Variants in ATG4B observed in about 807,000 individuals in gnomAD.
The protein encoded by ATG4B is cysteine protease ATG4B.
ATG4B carries 29 observed loss-of-function variants against 56.6 expected under a neutral mutation model. The observed-to-expected ratio is 0.51, with a 90% CI of 0.38 to 0.70. The LOEUF (loss-of-function observed/expected upper bound fraction) is 0.70. Ranked by LOEUF, ATG4B falls within the 30% of genes least tolerant of loss-of-function variation. The pLI is 0.00. For missense variants in ATG4B, 461 were observed against 515.5 expected, an observed-to-expected ratio of 0.89 and a Z score of 1.02; for synonymous variants, 224 against 206.1, an observed-to-expected ratio of 1.09 and a Z score of -0.74.
chr2:241,672,283 T>C lies in ATG4B; in HGVS notation c.*19T>C, dbSNP rs2069003508. 6.4e-7 allele frequency: 1 copy of C among 1,554,714 alleles called. No homozygotes were observed. The highest frequency in any genetic ancestry group is 1.2e-5 in the South Asian group (1 of 84,696). On this transcript the variant is annotated 3_prime_UTR_variant, in exon 13 of 13. Transcript: ENST00000404914. ...CCTTTGAAAATCCTGGGGTCGGGGG[T>C]GGCACCTGTGAGAGCCTGGGGCTCC...
chr2:241,660,197 C>CA (rs1316067820), intron 7 of ATG4B, among the ~76,000 whole-genome samples: 2 of 151,652 alleles, frequency 1.3e-5, no homozygotes, highest in Admixed American at 1.3e-4. Flanking sequence ...CCCCGCCCCC[C>CA]AAAAAAAAGA....
intron 12 of ATG4B, chr2:241,671,874 A>G (rs1559276772): frequency 7.7e-7 from 1 of 1,296,084 alleles, no homozygotes; most frequent in East Asian, 3.4e-5. Flanking sequence ...CCCTGTGGGA[A>G]ACTCTACAAA....
At chr2:241,654,318 G>T (rs1269585583) in intron 4 of ATG4B, among the ~76,000 whole-genome samples, 1 of 151,602 alleles carries the variant, frequency 6.6e-6, no homozygotes, top group Non-Finnish European at 1.5e-5. Context: ...CTACTCGGGA[G>T]GCTGAAGCAG....
intron 1 of ATG4B, among the ~76,000 whole-genome samples, chr2:241,638,872 T>G (rs1466086119): frequency 6.6e-6 from 1 of 152,254 alleles, no homozygotes; most frequent in Non-Finnish European, 1.5e-5. Flanking sequence ...GTGTACTATT[T>G]GTTGTTTACT....
intron 1 of ATG4B, among the ~76,000 whole-genome samples, chr2:241,647,982 C>T (rs1049812800): frequency 7.2e-5 from 11 of 152,156 alleles, no homozygotes; most frequent in Admixed American, 5.2e-4. Flanking sequence ...GGCATGGTGG[C>T]AGATGTCTGT....
intron 11 of ATG4B, 62 bp downstream of exon 11, chr2:241,670,844 G>A (rs913050959): frequency 9.9e-6 from 15 of 1,519,914 alleles, no homozygotes; most frequent in East Asian, 2.4e-5. Flanking sequence ...GCAGTGGGGC[G>A]TGCAGGGGTC....
chr2:241,668,522 C>T lies in ATG4B; in HGVS notation c.812-18C>T, dbSNP rs750084028. ...GCCGGCTCGGCCACCCACCTGCCCA[C>T]CTGCCTCATCCTCCCAGGTGAGGAG... is the stretch of plus-strand genomic sequence containing the variant. On this transcript the variant is annotated intron_variant, in intron 9 of 12. Coordinates refer to ENST00000404914, the MANE Select transcript of ATG4B (RefSeq NM_013325.5). This position sits in a 1 kb window ranked among gnomAD's most constrained non-coding sequence, Gnocchi z 4.2. 13 of 1,604,828 alleles carry T rather than the reference C, an allele frequency of 8.1e-6. No individual in the cohort carries two copies. The Admixed American group carries it at 2.2e-4, about 27-fold the overall frequency.
In ATG4B at chr2:241,673,826, A is replaced by T. The variant is rs978973934; in HGVS notation, c.*1562A>T. ...TTAGTAGTATAGTTTGCAATTCTTA[A>T]TGGCAAATAATAAGTTTCAGTAGAA... On this transcript the variant is annotated 3_prime_UTR_variant, in exon 13 of 13. Coordinates refer to ENST00000404914, the MANE Select transcript of ATG4B (RefSeq NM_013325.5). 2 of 428,120 alleles carry T rather than the reference A, an allele frequency of 4.7e-6. 1 individual carries two copies. Among genetic ancestry groups the T allele is most frequent in the South Asian group, 3.2e-5 (2 of 63,352 alleles). 26.5% of individuals were successfully genotyped at this position (428,120 alleles called of 1,614,324 possible).
chr2:241,645,204 A>T (rs2068027799), intron 1 of ATG4B, among the ~76,000 whole-genome samples: 3 of 152,130 alleles, frequency 2.0e-5, no homozygotes, highest in Non-Finnish European at 4.4e-5. Flanking sequence ...CCTAGAGTAC[A>T]GGGAAGACCT....
At chr2:241,664,029 A>C (rs1009163807) in intron 7 of ATG4B, among the ~76,000 whole-genome samples, 3 of 152,156 alleles carry the variant, frequency 2.0e-5, no homozygotes. Context: ...CATGTTGGCC[A>C]GGATGGTCTT....
intron 1 of ATG4B, among the ~76,000 whole-genome samples, chr2:241,647,989 C>T (rs1402803696): frequency 6.6e-6 from 1 of 152,090 alleles, no homozygotes; most frequent in Non-Finnish European, 1.5e-5. Flanking sequence ...TGGCAGATGT[C>T]TGTAATCCCA....
At chr2:241,659,052 G>T in intron 6 of ATG4B, 56 bp from the exon 7 acceptor site, 2 of 1,404,570 alleles carry the variant, frequency 1.4e-6, no homozygotes, top group South Asian at 2.7e-5. Context: ...TAGCTGCAAA[G>T]ATGAACCGTC....
rs1575089861 is a variant in ATG4B, at chr2:241,668,085, G to A, written c.733-58G>A. ...GCCCTTGGGCCCCCTATGGCAGTGG[G>A]TGGGGGGACCGTCTGCTCCCACCTG... On this transcript the variant is annotated intron_variant, in intron 8 of 12. Coordinates refer to ENST00000404914, the MANE Select transcript of ATG4B (RefSeq NM_013325.5). The surrounding 1 kb of genome is among the most constrained non-coding windows in gnomAD (Gnocchi z 4.2). 2.6e-6 allele frequency: 4 copies of A among 1,527,048 alleles called. No individual in the cohort carries two copies. Among genetic ancestry groups the A allele is most frequent in the Non-Finnish European group, 3.5e-6 (4 of 1,127,548 alleles). The allele number at this position is 1,527,048 out of a possible 1,614,324, so 94.6% of individuals were successfully genotyped here.
At chr2:241,652,722 A>G (rs866387658) in intron 3 of ATG4B, among the ~76,000 whole-genome samples, 14 of 152,238 alleles carry the variant, frequency 9.2e-5, no homozygotes, top group Middle Eastern at 3.4e-3. Context: ...GACCATGGGC[A>G]CTGCTGATTG....
At position 241,663,140 on chromosome 2, in the gene ATG4B, C is replaced by T. The variant is rs535483636; in HGVS notation, c.539-3505C>T. On this transcript the variant is annotated intron_variant, in intron 7 of 12. Transcript: ENST00000404914. The stretch of plus-strand genomic sequence containing the variant: ...CCCAGCTGCTCGGGAAGCTGAGGCA[C>T]GAGAATTGCTTGAACCTGGGAGGCA... Among the ~76,000 whole-genome samples the T allele has an allele frequency of 1.1e-4, 16 of 152,210 alleles. No individual in the cohort carries two copies. In the East Asian group the frequency reaches 1.2e-3, roughly 11 times the overall value.
In ATG4B at chr2:241,668,071, C is replaced by T; in HGVS notation, c.733-72C>T. 1 of 1,490,634 alleles carries T rather than the reference C, an allele frequency of 6.7e-7. No homozygotes were observed. Among genetic ancestry groups the T allele is most frequent in the South Asian group, 1.2e-5 (1 of 81,640 alleles). 92.3% of individuals were successfully genotyped at this position (1,490,634 alleles called of 1,614,324 possible). A position where few individuals can be genotyped will look rare whatever the true frequency, so the allele number is the denominator to read the frequency against. ...TTGGGCCTCAGCAGGCCCTTGGGCC[C>T]CCTATGGCAGTGGGTGGGGGGACCG... On this transcript the variant is annotated intron_variant, in intron 8 of 12. Coordinates refer to ENST00000404914, the MANE Select transcript of ATG4B (RefSeq NM_013325.5). The surrounding 1 kb of genome is among the most constrained non-coding windows in gnomAD (Gnocchi z 4.2).
chr2:241,661,126 T>C (rs1288691585), intron 7 of ATG4B, among the ~76,000 whole-genome samples: 1 of 152,182 alleles, frequency 6.6e-6, no homozygotes, highest in Non-Finnish European at 1.5e-5. Flanking sequence ...TGGAAGAGCT[T>C]GAATCTGCAT....
At chr2:241,660,787 T>C (rs2068566723) in intron 7 of ATG4B, among the ~76,000 whole-genome samples, 1 of 152,200 alleles carries the variant, frequency 6.6e-6, no homozygotes, top group Non-Finnish European at 1.5e-5. Context: ...TATTATACCT[T>C]AGTTCCCTGT....
chr2:241,637,917 G>A (rs1418008544), intron 1 of ATG4B, among the ~76,000 whole-genome samples, 193 bp downstream of exon 1: 1 of 151,380 alleles, frequency 6.6e-6, no homozygotes, highest in Non-Finnish European at 1.5e-5. Flanking sequence ...GGAGGGGGAC[G>A]GCGGCGCACT....
Sources: allele counts gnomAD v4.1 joint callset (sites outside exome capture counted in the v4.1 genomes callset), GRCh38; gene constraint gnomAD v4.1.1; non-coding constraint Gnocchi (gnomAD v3.1); transcripts MANE v1.5; gene names NCBI Gene and HGNC (gene_info 2026-07-23, HGNC 2026-07-21).